Variants in TIAM2 observed in about 807,000 individuals in gnomAD.
TIAM2 encodes the protein rho guanine nucleotide exchange factor TIAM2.
Under a neutral mutation model 152.9 loss-of-function variants are expected in TIAM2, and 80 were observed. The observed-to-expected ratio is 0.52, with a 90% confidence interval of 0.44 to 0.63. The LOEUF is 0.63. TIAM2 is among the 30% of genes least tolerant of loss of function. The pLI, the probability that TIAM2 is intolerant of heterozygous loss-of-function variation, is 0.00. For missense variants in TIAM2, 1,965 were observed against 2,120.1 expected, an observed-to-expected ratio of 0.93 and a Z score of 1.44; for synonymous variants, 804 against 838.0, an observed-to-expected ratio of 0.96 and a Z score of 0.70.
chr6:155,244,055 T>A lies in TIAM2; in HGVS notation c.3393T>A (p.Asn1131Lys). The A allele has an allele frequency of 6.2e-7, 1 of 1,614,128 alleles. No homozygotes were observed. Among genetic ancestry groups the A allele is most frequent in the Non-Finnish European group, 8.5e-7 (1 of 1,180,010 alleles). The change falls in exon 17 of 27, where the codon AAT becomes AAA. Residue 1131 changes from asparagine (N) to lysine (K), a missense_variant. Coordinates refer to ENST00000682666, the MANE Select transcript of TIAM2 (RefSeq NM_012454.4). ...AATTATACTTGGAGCCACTTCAGAATGAGACCTTTCTTACCCAAGATGAGG... is the reference window on the plus strand; with the variant it reads ...AATTATACTTGGAGCCACTTCAGAAAGAGACCTTTCTTACCCAAGATGAGG... ...LFELYLEPLQ[N>K]ETFLTQDEME...
chr6:155,155,656 G>T (rs539561020), intron 7 of TIAM2, among the ~76,000 whole-genome samples: 5 of 152,066 alleles, frequency 3.3e-5, no homozygotes, highest in African/African-American at 1.2e-4. Context: ...TGTATTTTTT[G>T]TAGAGACGGG....
intron 1 of TIAM2, among the ~76,000 whole-genome samples, chr6:155,089,066 AT>A (rs146764923): frequency 0.016 from 2,432 of 152,264 alleles, 73 homozygotes; most frequent in African/African-American, 0.056. Context: ...TCTGTTTCAC[AT>A]TTTAAACAAT....
chr6:155,017,543 C>CA (rs1778613813), intron 1 of TIAM2, among the ~76,000 whole-genome samples: 17 of 136,426 alleles, frequency 1.2e-4, no homozygotes, highest in South Asian at 2.3e-4. Flanking sequence ...CTCACTCTGT[C>CA]GCCAGGCTGG....
Position 155,148,145 on chromosome 6 carries a change from T to C in TIAM2, c.1839T>C (p.Thr613=). 1 of 1,613,882 alleles carries C rather than the reference T, an allele frequency of 6.2e-7. No homozygotes were observed. Among genetic ancestry groups the C allele is most frequent in the Non-Finnish European group, 8.5e-7 (1 of 1,180,026 alleles). Residue 613 remains threonine, a synonymous_variant, in exon 7 of 27, where the codon ACT becomes ACC. Transcript: ENST00000682666. ...TSQTDLENWV[T]AVHSACASLF... ...AGACAGATCTAGAAAACTGGGTCAC[T>C]GCTGTACACTCTGCTTGTGCATCCC...
chr6:155,009,963 G>A (rs769237015), intron 1 of TIAM2, among the ~76,000 whole-genome samples: 8 of 151,588 alleles, frequency 5.3e-5, no homozygotes, highest in Non-Finnish European at 7.4e-5. Context: ...AGTCATTCTC[G>A]TGTCTCGGTC....
intron 2 of TIAM2, among the ~76,000 whole-genome samples, chr6:155,114,526 TA>T (rs1463694352): frequency 6.6e-6 from 1 of 152,152 alleles, no homozygotes; most frequent in Admixed American, 6.5e-5. Context: ...AGGCATACTC[TA>T]AGTTATAATT....
intron 2 of TIAM2, among the ~76,000 whole-genome samples, chr6:155,092,908 C>T (rs1379568297): frequency 6.6e-6 from 1 of 152,156 alleles, no homozygotes; most frequent in Non-Finnish European, 1.5e-5. Context: ...TAAATGGTAA[C>T]ACAAGTTTGA....
In TIAM2 at chr6:155,129,139, G is replaced by T; in HGVS notation, c.-6-79G>T. On this transcript the variant is annotated intron_variant, in intron 3 of 26. Coordinates refer to ENST00000682666, the MANE Select transcript of TIAM2 (RefSeq NM_012454.4). This position sits in a 1 kb window ranked among gnomAD's most constrained non-coding sequence, Gnocchi z 4.8. Reference sequence around the variant, plus strand: ...CTGAAGTTGCTGTGTAATATGCAGGGCATTCTTTTTAGAAAGTTCTGTCAT... The same window carrying T: ...CTGAAGTTGCTGTGTAATATGCAGGTCATTCTTTTTAGAAAGTTCTGTCAT... 1 of 1,332,478 alleles carries T rather than the reference G, an allele frequency of 7.5e-7. No individual in the cohort carries two copies. 82.5% of individuals were successfully genotyped at this position (1,332,478 alleles called of 1,614,324 possible).
At chr6:155,198,143 C>T (rs1235614007) in intron 14 of TIAM2, among the ~76,000 whole-genome samples, 4 of 152,156 alleles carry the variant, frequency 2.6e-5, no homozygotes, top group South Asian at 4.1e-4. Flanking sequence ...TGGGCTCTTC[C>T]TCTTTTGAAC....
chr6:155,177,119 ATT>A, intron 10 of TIAM2, 142 bp downstream of exon 10: 1 of 727,852 alleles, frequency 1.4e-6, no homozygotes, highest in Non-Finnish European at 2.1e-6. Context: ...TAGTTAATAT[ATT>A]TATTAGCATA....
intron 7 of TIAM2, among the ~76,000 whole-genome samples, chr6:155,157,392 C>A (rs543205860): frequency 6.6e-6 from 1 of 151,956 alleles, no homozygotes; most frequent in Admixed American, 6.6e-5. Flanking sequence ...AGATATAGCA[C>A]CCGTTTGTTG....
In TIAM2 at chr6:155,174,968, T is replaced by A. The variant is rs1386765484; in HGVS notation, c.2362-1848T>A. On this transcript the variant is annotated intron_variant, in intron 9 of 26. Transcript: ENST00000682666. This position sits in a 1 kb window ranked among gnomAD's most constrained non-coding sequence, Gnocchi z 4.2. The stretch of plus-strand genomic sequence containing the variant: ...TGGGGCCTGCACCTTTAAGGCAGCA[T>A]CTGTTTGTTGCTAAGCACCGGGTTG... Among the ~76,000 whole-genome samples, 1 of 152,182 alleles carries A rather than the reference T, an allele frequency of 6.6e-6. No homozygotes were observed. The highest frequency in any genetic ancestry group is 6.5e-5 in the Admixed American group (1 of 15,278).
rs553891746 is a variant in TIAM2 at position 155,246,014 on chromosome 6, A to G, written c.3652+283A>G. ...CTTTTCTTGCCAAATTCCTTTCTCT[A>G]AAAACTTGCAACCCCAAACCCTAGA... On this transcript the variant is annotated intron_variant, in intron 19 of 26. Coordinates refer to ENST00000682666, the MANE Select transcript of TIAM2 (RefSeq NM_012454.4). Among the ~76,000 whole-genome samples the G allele has an allele frequency of 1.1e-3, 173 of 151,926 alleles. 1 individual carries two copies. Among genetic ancestry groups the G allele is most frequent in the African/African-American group, 3.9e-3 (162 of 41,456 alleles).
intron 15 of TIAM2, among the ~76,000 whole-genome samples, chr6:155,223,309 C>A (rs898754699): frequency 2.6e-4 from 39 of 152,242 alleles, no homozygotes; most frequent in Middle Eastern, 3.4e-3. Context: ...ATGAACAGCA[C>A]TGTGTTTATA....
chr6:155,084,647 C>T (rs1426435288), intron 1 of TIAM2, among the ~76,000 whole-genome samples: 1 of 152,122 alleles, frequency 6.6e-6, no homozygotes, highest in Non-Finnish European at 1.5e-5. Context: ...TGTAACTTGG[C>T]TTACAGTACT....
chr6:155,182,572 A>G (rs1269693325), intron 13 of TIAM2, among the ~76,000 whole-genome samples: 1 of 152,120 alleles, frequency 6.6e-6, no homozygotes, highest in East Asian at 1.9e-4. Context: ...CCAGCCTGGG[A>G]GACAGAGTGA....
intron 25 of TIAM2, 110 bp downstream of exon 25, chr6:155,254,170 C>T (rs1364754927): frequency 8.3e-7 from 1 of 1,206,748 alleles, no homozygotes; most frequent in Non-Finnish European, 1.2e-6. Context: ...CAGGGTCATA[C>T]TCCCCACCCT....
Position 155,166,140 on chromosome 6 carries a change from C to T in TIAM2, c.2361+731C>T, listed in dbSNP as rs562604181. ...GGGTTTTGTCATCCCATTTTAGAGA[C>T]GAGCAGACTGACACTTGAAGAGGTT... On this transcript the variant is annotated intron_variant, in intron 9 of 26. Coordinates refer to ENST00000682666, the MANE Select transcript of TIAM2 (RefSeq NM_012454.4). Among the ~76,000 whole-genome samples the T allele has an allele frequency of 2.0e-3, 308 of 152,096 alleles. 2 individuals carry two copies. Among genetic ancestry groups the T allele is most frequent in the African/African-American group, 6.8e-3 (282 of 41,492 alleles).
chr6:155,105,694 T>A (rs1322689683), intron 2 of TIAM2, among the ~76,000 whole-genome samples: 2 of 151,924 alleles, frequency 1.3e-5, no homozygotes, highest in Non-Finnish European at 2.9e-5. Flanking sequence ...CAAGTGATCC[T>A]CCCACCTCAG....
Sources: gnomAD v4.1 joint callset for allele counts (sites outside exome capture counted in the v4.1 genomes callset) on GRCh38, gnomAD v4.1.1 for gene constraint, Gnocchi (gnomAD v3.1) non-coding constraint, MANE v1.5 for transcripts, NCBI Gene and HGNC (gene_info 2026-07-23, HGNC 2026-07-21) for gene names.